Variants in CAPRIN2 observed in about 807,000 individuals in gnomAD.
The protein encoded by CAPRIN2 is caprin-2.
A neutral mutation model predicts 130.4 loss-of-function variants in CAPRIN2; 66 were observed. That is an observed-to-expected ratio of 0.51 (90% CI 0.42 to 0.62). The LOEUF (loss-of-function observed/expected upper bound fraction) is 0.62. Ranked by LOEUF, CAPRIN2 falls within the 20% of genes least tolerant of loss-of-function variation. CAPRIN2 has a pLI of 0.00. For synonymous variants in CAPRIN2, 471 were observed against 444.1 expected (o/e 1.06, Z -0.76); for missense variants, 1,185 against 1,246.6 (o/e 0.95, Z 0.74).
chr12:30,737,443 T>C (rs1326213655), intron 3 of CAPRIN2, among the ~76,000 whole-genome samples: 1 of 152,202 alleles, frequency 6.6e-6, no homozygotes, highest in East Asian at 1.9e-4. Flanking sequence ...CAGATCACAA[T>C]CAGGTGTCAT....
At chr12:30,751,022 TAAGAA>T (rs2073550541) in intron 2 of CAPRIN2, 44 bp downstream of exon 3, 2 of 1,360,226 alleles carry the variant, frequency 1.5e-6, no homozygotes, top group Non-Finnish European at 2.1e-6. Flanking sequence ...GTAGTTTTAT[TAAGAA>T]AAGAAAACCA....
chr12:30,719,174 G>A, intron 12 of CAPRIN2: 2 of 1,614,088 alleles, frequency 1.2e-6, no homozygotes, highest in Non-Finnish European at 1.7e-6. Context: ...TTTGCCATGG[G>A]AGGATTTGGA....
At position 30,735,459 on chromosome 12, in the gene CAPRIN2, T is replaced by C. The variant is rs538162157; in HGVS notation, c.571-253A>G. On this transcript the variant is annotated intron_variant, in intron 3 of 16. Transcript: ENST00000298892. ...TCCAGGATATGTCTAGAACCGCTAA[T>C]ATCACCATGATGAGTAGCGAAGTAC... Among the ~76,000 whole-genome samples the C allele has an allele frequency of 3.9e-5, 6 of 152,342 alleles. No individual in the cohort carries two copies. In the East Asian group the frequency reaches 5.8e-4, roughly 15 times the overall value.
At chr12:30,716,697 T>G (rs768066854) in intron 12 of CAPRIN2, 21 bp from the exon 15 acceptor site, 2 of 1,604,434 alleles carry the variant, frequency 1.2e-6, no homozygotes, top group East Asian at 4.5e-5. Context: ...AAGGACACAC[T>G]GAGTCATTTG....
chr12:30,749,149 A>C (rs1284691863), intron 2 of CAPRIN2, among the ~76,000 whole-genome samples: 1 of 152,122 alleles, frequency 6.6e-6, no homozygotes, highest in African/African-American at 2.4e-5. Context: ...TAGGAATATC[A>C]CGTGCAAAAA....
At position 30,713,652 on chromosome 12, in the gene CAPRIN2, A is replaced by G. The variant is rs377415610; in HGVS notation, c.2601+133T>C. On this transcript the variant is annotated intron_variant, in intron 15 of 16. Coordinates refer to ENST00000298892, the Ensembl canonical transcript of CAPRIN2. ...AACTTCCAACTCAACTCTTCTCCATAGGACTTACAAGTAGTTTTAAAACTA... is the reference window on the plus strand; with the variant it reads ...AACTTCCAACTCAACTCTTCTCCATGGGACTTACAAGTAGTTTTAAAACTA... The G allele has an allele frequency of 1.3e-5, 7 of 535,316 alleles. 1 individual carries two copies. The highest frequency in any genetic ancestry group is 7.4e-5 in the African/African-American group (4 of 53,694). 33.2% of individuals were successfully genotyped at this position (535,316 alleles called of 1,614,324 possible).
Position 30,749,104 on chromosome 12 carries a change from C to G in CAPRIN2, c.483+1967G>C, listed in dbSNP as rs547782198. Among the ~76,000 whole-genome samples the G allele has an allele frequency of 3.1e-4, 47 of 152,152 alleles. No homozygotes were observed. The Middle Eastern group carries it at 0.01, about 33-fold the overall frequency. On this transcript the variant is annotated intron_variant, in intron 2 of 16. Coordinates refer to ENST00000298892, the Ensembl canonical transcript of CAPRIN2. Reference sequence around the variant, plus strand: ...GGCTGAAGGAGGTTGGGAATTGAGCCACTGAAACATCTGGAGAAAGAACAT... The same window carrying G: ...GGCTGAAGGAGGTTGGGAATTGAGCGACTGAAACATCTGGAGAAAGAACAT...
intron 6 of CAPRIN2, 53 bp downstream of exon 7, chr12:30,731,290 T>G: frequency 7.1e-7 from 1 of 1,409,648 alleles, no homozygotes; most frequent in Non-Finnish European, 9.9e-7. Flanking sequence ...GTGACTCATT[T>G]GGGGTATTAA....
intron 3 of CAPRIN2, among the ~76,000 whole-genome samples, chr12:30,739,717 A>G (rs2066522127): frequency 1.3e-5 from 2 of 150,744 alleles, no homozygotes; most frequent in Admixed American, 6.6e-5. Context: ...TCCGTCTCAA[A>G]AAAAAAAAAA....
intron 7 of CAPRIN2, 102 bp from the exon 9 acceptor site, chr12:30,729,427 T>A: frequency 1.4e-6 from 1 of 734,144 alleles, no homozygotes; most frequent in South Asian, 2.5e-5. Flanking sequence ...TCTAAGTTGT[T>A]GCACTAATAT....
At chr12:30,717,382 T>C (rs1048783511) in intron 12 of CAPRIN2, among the ~76,000 whole-genome samples, 1 of 152,156 alleles carries the variant, frequency 6.6e-6, no homozygotes, top group African/African-American at 2.4e-5. Flanking sequence ...GGTAAATTCA[T>C]AGAAGCGAAG....
chr12:30,730,618 G>A (rs1164212227), intron 6 of CAPRIN2, among the ~76,000 whole-genome samples: 1 of 151,964 alleles, frequency 6.6e-6, no homozygotes, highest in East Asian at 1.9e-4. Context: ...ATGTCCCATG[G>A]GGTAAAAATT....
At chr12:30,720,681 C>A (rs868723763) in intron 12 of CAPRIN2, 130 bp downstream of exon 13, 3 of 596,698 alleles carry the variant, frequency 5.0e-6, no homozygotes, top group South Asian at 2.3e-5. Context: ...ATCACAATAT[C>A]TATAGAAAGC....
At chr12:30,746,142 A>G (rs1383567673) in intron 2 of CAPRIN2, among the ~76,000 whole-genome samples, 1 of 147,496 alleles carries the variant, frequency 6.8e-6, no homozygotes, top group Admixed American at 6.7e-5. Flanking sequence ...AACAACAACA[A>G]AAGAATTGGT....
In CAPRIN2 at chr12:30,751,151, G is replaced by T. The variant is rs140283368; in HGVS notation, c.421-18C>A. 12 of 1,600,118 alleles carry T rather than the reference G, an allele frequency of 7.5e-6. No individual in the cohort carries two copies. The Admixed American group carries it at 1.8e-4, about 24-fold the overall frequency. The stretch of plus-strand genomic sequence containing the variant: ...AGTTTGAGCTACAAAAGAGAAACTT[G>T]TATCTACCATAGTCTGACATAAAAT... On this transcript the variant is annotated intron_variant, in intron 1 of 16. Coordinates refer to ENST00000298892, the Ensembl canonical transcript of CAPRIN2.
intron 12 of CAPRIN2, 118 bp from the exon 15 acceptor site, chr12:30,716,794 A>G: frequency 1.3e-6 from 1 of 779,936 alleles, no homozygotes; most frequent in Non-Finnish European, 2.1e-6. Context: ...GGACTTGAAT[A>G]GACATCTCTC....
At chr12:30,709,755 AG>A in exon 17 of CAPRIN2, 1 of 825,846 alleles carries the variant, frequency 1.2e-6, no homozygotes, top group Non-Finnish European at 1.8e-6. Context: ...TTTTCACCTC[AG>A]GAAGGAAAAC....
At chr12:30,749,599 G>A (rs932666572) in intron 2 of CAPRIN2, among the ~76,000 whole-genome samples, 2 of 152,168 alleles carry the variant, frequency 1.3e-5, no homozygotes, top group Admixed American at 1.3e-4. Flanking sequence ...TGAGGAGAAA[G>A]GAGATAAATT....
chr12:30,709,820 C>T, exon 17 of CAPRIN2: 1 of 1,452,686 alleles, frequency 6.9e-7, no homozygotes, highest in Non-Finnish European at 9.3e-7. Flanking sequence ...CTAAACCAAT[C>T]AGTCATGAGG....
Sources: allele counts gnomAD v4.1 joint callset (sites outside exome capture counted in the v4.1 genomes callset), GRCh38; gene constraint gnomAD v4.1.1; transcripts MANE v1.5; gene names NCBI Gene and HGNC (gene_info 2026-07-23, HGNC 2026-07-21).